Variants in RAB3IP observed in about 807,000 individuals in gnomAD.
RAB3IP encodes RAB3A interacting protein.
A neutral mutation model predicts 59.1 loss-of-function variants in RAB3IP; 36 were observed. That is an observed-to-expected ratio of 0.61 (90% CI 0.47 to 0.80). RAB3IP has a LOEUF of 0.80. Ranked by LOEUF, RAB3IP falls within the 30% of genes least tolerant of loss-of-function variation. RAB3IP has a pLI of 0.00. For synonymous variants in RAB3IP, 207 were observed against 191.2 expected, an observed-to-expected ratio of 1.08 and a Z score of -0.68; for missense variants, 511 against 536.0, an observed-to-expected ratio of 0.95 and a Z score of 0.46.
At chr12:69,760,051 C>T (rs1308433542) in intron 3 of RAB3IP, among the ~76,000 whole-genome samples, 1 of 152,092 alleles carries the variant, frequency 6.6e-6, no homozygotes, top group Non-Finnish European at 1.5e-5. Context: ...GAGGTTGTAG[C>T]TAGCCGAGAT....
intron 4 of RAB3IP, among the ~76,000 whole-genome samples, chr12:69,792,193 T>A (rs1287907531): frequency 6.6e-6 from 1 of 152,114 alleles, no homozygotes; most frequent in Admixed American, 6.6e-5. Context: ...TGGTACAAAG[T>A]GTCAGTTATG....
rs59861015 is a variant in RAB3IP, at chr12:69,786,581, G to A, written c.606+1766G>A. ...TATTGTCTGACTGGAAGAAAATTTT[G>A]TAGTGATATGGATATTAGGTAAGAA... On this transcript the variant is annotated intron_variant, in intron 4 of 10. Coordinates refer to ENST00000247833, the MANE Select transcript of RAB3IP (RefSeq NM_022456.5). 2.2e-3 allele frequency among the ~76,000 whole-genome samples: 338 copies of A among 152,130 alleles called. 1 individual carries two copies. Among genetic ancestry groups the A allele is most frequent in the African/African-American group, 7.4e-3 (307 of 41,492 alleles).
chr12:69,756,481 G>A lies in RAB3IP; in HGVS notation c.328G>A (p.Asp110Asn). The A allele has an allele frequency of 1.2e-6, 2 of 1,614,080 alleles. No homozygotes were observed. The highest frequency in any genetic ancestry group is 1.7e-6 in the Non-Finnish European group (2 of 1,179,984). ...AGLTKLTTRK[D>N]NYNAEREFLQ... ...ATTAACTAAATTAACTACAAGAAAG[G>A]ACAACTATAATGCAGAGAGAGAGTT... The change falls in exon 3 of 11, where the codon GAC becomes AAC. Residue 110 changes from aspartate to asparagine, a missense_variant. Physicochemically the swap from Asp to Asn is conservative, Grantham distance 23 (BLOSUM62 1). Coordinates refer to ENST00000247833, the MANE Select transcript of RAB3IP (RefSeq NM_022456.5).
In RAB3IP at chr12:69,819,133, A is replaced by C. The variant is rs1881438674; in HGVS notation, c.*3687A>C. The C allele has an allele frequency of 6.6e-6, 1 of 152,250 alleles. No individual in the cohort carries two copies. Among genetic ancestry groups the C allele is most frequent in the African/African-American group, 2.4e-5 (1 of 41,470 alleles). The allele number at this position is 152,250 out of a possible 1,614,324, so 9.4% of individuals were successfully genotyped here. Reference sequence around the variant, plus strand: ...GCATGGACAAATGAATAAGAGAGTTATGCATGGAACATCGGTGGTGTATTA... The same window carrying C: ...GCATGGACAAATGAATAAGAGAGTTCTGCATGGAACATCGGTGGTGTATTA... On this transcript the variant is annotated 3_prime_UTR_variant, in exon 11 of 11. Transcript: ENST00000247833.
At chr12:69,780,138 C>T (rs1301762558) in intron 3 of RAB3IP, among the ~76,000 whole-genome samples, 1 of 152,180 alleles carries the variant, frequency 6.6e-6, no homozygotes, top group African/African-American at 2.4e-5. Flanking sequence ...TAGGGGTACC[C>T]TGACTGTGAG....
At chr12:69,764,836 C>G (rs1019345073) in intron 3 of RAB3IP, among the ~76,000 whole-genome samples, 2 of 151,946 alleles carry the variant, frequency 1.3e-5, no homozygotes, top group Non-Finnish European at 2.9e-5. Flanking sequence ...TTTTATAGTT[C>G]TCTTTGTAGA....
chr12:69,747,293 CGTGTGT>C lies in RAB3IP; in HGVS notation c.-25-8057_-25-8052del, dbSNP rs111438084. ...GTACAGTTTTCTCCCCTTGCCCTTT[CGTGTGT>C]GTGTGTGTGTGTGTGTGTGTGTGTG... On this transcript the variant is annotated intron_variant, in intron 1 of 10. Transcript: ENST00000247833. Among the ~76,000 whole-genome samples the C allele has an allele frequency of 3.4e-3, 473 of 137,768 alleles. 2 individuals carry two copies. The highest frequency in any genetic ancestry group is 0.011 in the South Asian group (43 of 3,992). 90.4% of individuals were successfully genotyped at this position (137,768 alleles called of 152,430 possible). A position where few individuals can be genotyped will look rare whatever the true frequency, so the allele number is the denominator to read the frequency against.
At chr12:69,757,177 C>A (rs1459920545) in intron 3 of RAB3IP, among the ~76,000 whole-genome samples, 1 of 152,114 alleles carries the variant, frequency 6.6e-6, no homozygotes, top group African/African-American at 2.4e-5. Context: ...ATATCTTATT[C>A]TTTTTCTGAG....
intron 3 of RAB3IP, among the ~76,000 whole-genome samples, chr12:69,779,663 A>T (rs999916371): frequency 6.9e-6 from 1 of 144,410 alleles, no homozygotes; most frequent in Non-Finnish European, 1.5e-5. Flanking sequence ...CACTGCTTTC[A>T]CTGCACATTC....
chr12:69,744,296 A>C (rs1019930763), intron 1 of RAB3IP, among the ~76,000 whole-genome samples: 11 of 152,272 alleles, frequency 7.2e-5, no homozygotes, highest in African/African-American at 2.6e-4. Context: ...ATATTAGCTC[A>C]TTGTATTATT....
Position 69,756,577 on chromosome 12 carries a change from CTG to C in RAB3IP, c.426_427del (p.Arg144PhefsTer10). The C allele has an allele frequency of 1.9e-6, 3 of 1,614,090 alleles. No homozygotes were observed. Among genetic ancestry groups the C allele is most frequent in the Non-Finnish European group, 2.5e-6 (3 of 1,179,972 alleles). ...DDIFGLSTDS[L>X]SRLRSPSVLE... ...TATTTTTGGGTTGAGTACTGATAGT[CTG>C]TCTCGTTTACGAAGCCCATCTGTTT... On this transcript the variant is annotated frameshift_variant, in exon 3 of 11. Coordinates refer to ENST00000247833, the MANE Select transcript of RAB3IP (RefSeq NM_022456.5). LOFTEE classifies it high-confidence loss of function.
chr12:69,797,477 C>CTTTTTTTTTTTTTTTTTTTTTTTTTTTT, intron 6 of RAB3IP, among the ~76,000 whole-genome samples: 1 of 54,956 alleles, frequency 1.8e-5, no homozygotes, highest in Non-Finnish European at 3.2e-5. Context: ...TCTTTTCTTT[C>CTTTTTTTTTTTTTTTTTTTTTTTTTTTT]TTTTTTTTTT....
chr12:69,756,393 T>C lies in RAB3IP; in HGVS notation c.252-12T>C. On this transcript the variant is annotated splice_polypyrimidine_tract_variant and intron_variant, in intron 2 of 10. Coordinates refer to ENST00000247833, the MANE Select transcript of RAB3IP (RefSeq NM_022456.5). Reference sequence around the variant, plus strand: ...GCTGATATTTTCTGAAAAATGTCTCTCTCCTTTACAGCTTTCATGTTACAG... The same window carrying C: ...GCTGATATTTTCTGAAAAATGTCTCCCTCCTTTACAGCTTTCATGTTACAG... 1 of 1,610,608 alleles carries C rather than the reference T, an allele frequency of 6.2e-7. No individual in the cohort carries two copies. The highest frequency in any genetic ancestry group is 8.5e-7 in the Non-Finnish European group (1 of 1,178,766).
chr12:69,760,353 A>G (rs1227765333), intron 3 of RAB3IP, among the ~76,000 whole-genome samples: 4 of 152,218 alleles, frequency 2.6e-5, no homozygotes, highest in Non-Finnish European at 5.9e-5. Context: ...TTGGCTCGGC[A>G]TCAGAGGGAG....
At chr12:69,759,998 A>T (rs1871033668) in intron 3 of RAB3IP, among the ~76,000 whole-genome samples, 1 of 152,016 alleles carries the variant, frequency 6.6e-6, no homozygotes, top group East Asian at 1.9e-4. Flanking sequence ...CAGAGGCTGC[A>T]ATCTCGTCAC....
intron 4 of RAB3IP, among the ~76,000 whole-genome samples, chr12:69,791,965 T>C (rs769392883): frequency 6.6e-5 from 10 of 152,202 alleles, no homozygotes; most frequent in Non-Finnish European, 1.2e-4. Context: ...TGTGTGTATA[T>C]GAATACTACT....
At chr12:69,788,897 A>G (rs893741996) in intron 4 of RAB3IP, among the ~76,000 whole-genome samples, 22 of 152,230 alleles carry the variant, frequency 1.4e-4, no homozygotes, top group African/African-American at 5.3e-4. Context: ...ATAATAGAAA[A>G]CAGGAAAACT....
At chr12:69,739,726 C>A in intron 1 of RAB3IP, 2 of 987,114 alleles carry the variant, frequency 2.0e-6, no homozygotes, top group Non-Finnish European at 3.2e-6. Context: ...GGTGGGATTG[C>A]ATGGCTCTGC....
intron 8 of RAB3IP, among the ~76,000 whole-genome samples, chr12:69,807,726 G>T (rs1360139204): frequency 1.3e-5 from 2 of 149,656 alleles, no homozygotes; most frequent in South Asian, 2.1e-4. Context: ...AGATGGGGCG[G>T]CCGGGCAGAG....
Sources: gnomAD v4.1 joint callset for allele counts (sites outside exome capture counted in the v4.1 genomes callset) on GRCh38, gnomAD v4.1.1 for gene constraint, MANE v1.5 for transcripts, NCBI Gene and HGNC (gene_info 2026-07-23, HGNC 2026-07-21) for gene names.